SYNPO: variants seen among roughly 807,000 people sequenced by gnomAD.
The protein encoded by SYNPO is synaptopodin.
SYNPO carries 19 observed loss-of-function variants against 49.5 expected under a neutral mutation model. That is an observed-to-expected ratio of 0.38 (90% CI 0.27 to 0.56). The LOEUF (loss-of-function observed/expected upper bound fraction) is 0.56. Among genes scored for constraint, SYNPO ranks in the 20% least tolerant of loss-of-function variants. The pLI, the probability that SYNPO is intolerant of heterozygous loss-of-function variation, is 0.68. For missense variants in SYNPO, 1,131 were observed against 1,248.3 expected, an observed-to-expected ratio of 0.91 and a Z score of 1.42; for synonymous variants, 536 against 548.0, an observed-to-expected ratio of 0.98 and a Z score of 0.31.
rs140225756 is a variant in SYNPO, at chr5:150,634,661, T to C, written c.401-13283T>C. On this transcript the variant is annotated intron_variant, in intron 2 of 2. Coordinates refer to the SYNPO transcript ENST00000394243. ...AAGTGAGACCTCGTCTGTACAAAAA[T>C]TTTTTTAAAATTAGCCGGGTGTGGT... Among the ~76,000 whole-genome samples the C allele has an allele frequency of 6.8e-3, 1,032 of 151,942 alleles. 12 individuals carry two copies. The highest frequency in any genetic ancestry group is 0.023 in the African/African-American group (967 of 41,422).
intron 2 of SYNPO, among the ~76,000 whole-genome samples, chr5:150,621,310 C>T (rs1419325336): frequency 1.3e-5 from 2 of 152,138 alleles, no homozygotes; most frequent in African/African-American, 2.4e-5. Flanking sequence ...TAGAATATTT[C>T]TAGGGACAGA....
chr5:150,592,821 T>A, the SYNPO span, among the ~76,000 whole-genome samples: 5 of 152,212 alleles, frequency 3.3e-5, no homozygotes, highest in African/African-American at 1.2e-4. Context: ...CCTCTCAAGA[T>A]GGAAAAGGGC....
intron 2 of SYNPO, chr5:150,652,263 G>A: frequency 5.0e-6 from 5 of 1,000,146 alleles, no homozygotes; most frequent in Non-Finnish European, 6.0e-6. Context: ...CCTTCATTCT[G>A]CAGCTCCTGC....
chr5:150,619,449 C>T (rs890952991), intron 2 of SYNPO, among the ~76,000 whole-genome samples: 7 of 152,298 alleles, frequency 4.6e-5, no homozygotes, highest in African/African-American at 7.2e-5. Flanking sequence ...CCCATGACAG[C>T]GTGTGGGGAG....
intron 1 of SYNPO, among the ~76,000 whole-genome samples, chr5:150,604,795 A>G (rs1756646149): frequency 6.6e-6 from 1 of 152,192 alleles, no homozygotes; most frequent in African/African-American, 2.4e-5. Context: ...GCTCAAAGGT[A>G]TCAGGCCTGC....
chr5:150,657,421 C>CTT lies in SYNPO; in HGVS notation c.*335_*336insTT. On this transcript the variant is annotated 3_prime_UTR_variant, in exon 3 of 3. Transcript: ENST00000307662. ...ATGCACACACACTCTCTCTTTCTCT[C>CTT]TCTCTCTCTCTCACACACACACACA... The CTT allele has an allele frequency of 5.9e-6, 1 of 170,800 alleles. No homozygotes were observed. Among genetic ancestry groups the CTT allele is most frequent in the South Asian group, 6.6e-5 (1 of 15,128 alleles). 10.6% of individuals were successfully genotyped at this position (170,800 alleles called of 1,614,324 possible).
chr5:150,613,202 T>C (rs749030381), intron 1 of SYNPO, among the ~76,000 whole-genome samples: 1 of 152,204 alleles, frequency 6.6e-6, no homozygotes, highest in Non-Finnish European at 1.5e-5. Context: ...GGTCTGGCCA[T>C]GTTGCCTCCA....
intron 2 of SYNPO, among the ~76,000 whole-genome samples, chr5:150,626,313 G>T (rs1056220835): frequency 2.0e-5 from 3 of 152,212 alleles, no homozygotes; most frequent in Admixed American, 6.5e-5. Flanking sequence ...GCTGGGTGGG[G>T]CATCCCCTTC....
Position 150,640,814 on chromosome 5 carries a change from G to T in SYNPO, c.-373G>T. On this transcript the variant is annotated 5_prime_UTR_variant, in exon 1 of 3. Transcript: ENST00000307662. ...AACCAAGGCTTGAAGGCCGGCAGGA[G>T]CATCCAGGGGGAAGCTTGGCTTCAG... 1 of 985,630 alleles carries T rather than the reference G, an allele frequency of 1.0e-6. No homozygotes were observed. The highest frequency in any genetic ancestry group is 5.2e-4 in the Middle Eastern group (1 of 1,914). The allele number at this position is 985,630 out of a possible 1,614,324, so 61.1% of individuals were successfully genotyped here.
chr5:150,605,538 G>C (rs1756667858), intron 1 of SYNPO, among the ~76,000 whole-genome samples: 1 of 152,072 alleles, frequency 6.6e-6, no homozygotes. Context: ...GGGAAGGGGA[G>C]GCCCTTGGTA....
chr5:150,641,001 C>T (rs1029850139), intron 1 of SYNPO, 147 bp downstream of exon 1: 10 of 329,214 alleles, frequency 3.0e-5, no homozygotes, highest in Admixed American at 1.3e-4. Flanking sequence ...AGTGGTGAGG[C>T]GGGGGCTGGG....
intron 2 of SYNPO, among the ~76,000 whole-genome samples, chr5:150,654,750 G>T (rs1398039662): frequency 6.6e-6 from 1 of 152,190 alleles, no homozygotes; most frequent in South Asian, 2.1e-4. Context: ...CCCTGTTCAG[G>T]CATCCAAGGA....
At chr5:150,593,612 C>G in the SYNPO span, among the ~76,000 whole-genome samples, 13 of 152,192 alleles carry the variant, frequency 8.5e-5, no homozygotes, top group Admixed American at 8.5e-4. Flanking sequence ...CAGGCGTTCA[C>G]CACCACACTG....
Position 150,657,001 on chromosome 5 carries a change from G to T in SYNPO, c.2626G>T (p.Gly876Cys). ...DSGAKSPGIL[G>C]YNICPRGWNG... ...CGGGGCTAAGTCTCCAGGCATCCTG[G>T]GCTACAATATCTGTCCCCGCGGGTG... The change falls in exon 3 of 3, where the codon GGC becomes TGC. Residue 876 changes from glycine to cysteine, a missense_variant. By Grantham distance (159) the Gly-to-Cys change is radical (BLOSUM62 -3). This residue lies in a region of SYNPO where 509 missense variants were observed against 484.5 expected (regional missense o/e 1.05). Coordinates refer to ENST00000307662, the MANE Select transcript of SYNPO (RefSeq NM_007286.6). The T allele has an allele frequency of 6.2e-7, 1 of 1,603,366 alleles. No individual in the cohort carries two copies. The highest frequency in any genetic ancestry group is 8.5e-7 in the Non-Finnish European group (1 of 1,175,978).
intron 2 of SYNPO, chr5:150,651,215 C>T: frequency 9.9e-7 from 1 of 1,006,524 alleles, no homozygotes; most frequent in South Asian, 4.7e-5. Flanking sequence ...GCTTCAGATT[C>T]AACCAAGATC....
In SYNPO at chr5:150,617,224, G is replaced by A. The variant is rs28496194; in HGVS notation, c.-265-879G>A. On this transcript the variant is annotated intron_variant, in intron 1 of 2. Transcript: ENST00000394243. Reference sequence around the variant, plus strand: ...AGGTCCTGTGGCTGGCTTGTTGATCGTCACACAAATGGCAGAGCTAGGATT... The same window carrying A: ...AGGTCCTGTGGCTGGCTTGTTGATCATCACACAAATGGCAGAGCTAGGATT... 2.2e-3 allele frequency among the ~76,000 whole-genome samples: 330 copies of A among 152,286 alleles called. 1 individual carries two copies. Among genetic ancestry groups the A allele is most frequent in the African/African-American group, 6.8e-3 (284 of 41,562 alleles).
At chr5:150,634,978 T>G (rs1757666551) in intron 2 of SYNPO, among the ~76,000 whole-genome samples, 1 of 152,218 alleles carries the variant, frequency 6.6e-6, no homozygotes, top group African/African-American at 2.4e-5. Flanking sequence ...ATGACTGAGA[T>G]GCAGAGATCC....
rs146974097 is a variant in SYNPO at position 150,624,060 on chromosome 5, G to C, written c.400+5293G>C. 7.8e-3 allele frequency among the ~76,000 whole-genome samples: 1,193 copies of C among 152,340 alleles called. 20 individuals carry two copies. Among genetic ancestry groups the C allele is most frequent in the African/African-American group, 0.028 (1,157 of 41,570 alleles). ...TGGCCACTGCCATGGGGCTTCGCAC[G>C]CTCAATCTGAATGGCATTTTGCTCA... On this transcript the variant is annotated intron_variant, in intron 2 of 2. Coordinates refer to the SYNPO transcript ENST00000394243.
In SYNPO at chr5:150,649,223, T is replaced by G. The variant is rs1292742012; in HGVS notation, c.948T>G (p.Thr316=). The G allele has an allele frequency of 6.2e-7, 1 of 1,614,052 alleles. No homozygotes were observed. Among genetic ancestry groups the G allele is most frequent in the East Asian group, 2.2e-5 (1 of 44,858 alleles). The change falls in exon 2 of 3, where the codon ACT becomes ACG. Residue 316 remains threonine (T), a synonymous_variant. Coordinates refer to ENST00000307662, the MANE Select transcript of SYNPO (RefSeq NM_007286.6). ...AGAGACGCCCCTTGGGGAACTTCACTGCACCCCCCACCTACACTGAGACCT... is the reference window on the plus strand; with the variant it reads ...AGAGACGCCCCTTGGGGAACTTCACGGCACCCCCCACCTACACTGAGACCT... ...ASERRPLGNF[T]APPTYTETLS... is the part of the protein sequence containing the mutation.
Sources: allele counts gnomAD v4.1 joint callset (sites outside exome capture counted in the v4.1 genomes callset), GRCh38; gene constraint gnomAD v4.1.1; regional missense constraint gnomAD v4.1.1; transcripts MANE v1.5; gene names NCBI Gene and HGNC (gene_info 2026-07-23, HGNC 2026-07-21).